TUSC3: variants seen among roughly 807,000 people sequenced by gnomAD.
TUSC3 encodes tumor suppressor candidate 3.
TUSC3 carries 45 observed loss-of-function variants against 44.8 expected under a neutral mutation model. The ratio of observed to expected loss-of-function variants is 1.00; its 90% confidence interval spans 0.79 to 1.29. The LOEUF (loss-of-function observed/expected upper bound fraction) is 1.29, where lower values mean the gene tolerates loss of function less well. Ranked by LOEUF, TUSC3 falls within the 50% of genes most tolerant of loss-of-function variation. The pLI, the probability that TUSC3 is intolerant of heterozygous loss-of-function variation, is 0.00. For synonymous variants in TUSC3, 212 were observed against 152.9 expected, an observed-to-expected ratio of 1.39 and a Z score of -2.85; for missense variants, 519 against 437.9, an observed-to-expected ratio of 1.19 and a Z score of -1.65.
chr8:15,744,500 G>GA (rs1034419793), intron 8 of TUSC3, among the ~76,000 whole-genome samples: 6 of 152,080 alleles, frequency 3.9e-5, no homozygotes, highest in Non-Finnish European at 7.4e-5. Flanking sequence ...ATAGGTATCT[G>GA]AAAAAGAGTA....
chr8:15,770,830 G>A (rs917333794), downstream of TUSC3, among the ~76,000 whole-genome samples: 2 of 151,950 alleles, frequency 1.3e-5, no homozygotes, highest in African/African-American at 4.8e-5. Context: ...AGAAGAGAGA[G>A]GAAAGGACAG....
chr8:15,496,699 C>A (rs7828050), intron 2 of TUSC3, among the ~76,000 whole-genome samples: 34,166 of 152,020 alleles, frequency 0.22, 4,407 homozygotes, highest in Non-Finnish European at 0.29. Context: ...ATGGAAGAAG[C>A]ATCTACATCA....
At chr8:15,703,487 G>C (rs1809489268) in intron 6 of TUSC3, among the ~76,000 whole-genome samples, 1 of 152,030 alleles carries the variant, frequency 6.6e-6, no homozygotes, top group Non-Finnish European at 1.5e-5. Context: ...GGGCAGCCTT[G>C]TTGTCTTTGG....
At chr8:15,562,489 A>G (rs532426583) in intron 1 of TUSC3, among the ~76,000 whole-genome samples, 1 of 152,300 alleles carries the variant, frequency 6.6e-6, no homozygotes, top group South Asian at 2.1e-4. Context: ...GTGGCTTAAA[A>G]TAACACCCAT....
intron 1 of TUSC3, among the ~76,000 whole-genome samples, chr8:15,457,552 T>C (rs923870548): frequency 2.0e-5 from 3 of 150,948 alleles, no homozygotes; most frequent in Non-Finnish European, 4.4e-5. Context: ...TACGCAATCA[T>C]GAGAACTTTT....
chr8:15,692,375 GTTTTTTTTTTTTTTT>G lies in TUSC3; in HGVS notation c.798+18549_798+18563del, dbSNP rs59838929. Among the ~76,000 whole-genome samples, 3 of 68,340 alleles carry G rather than the reference GTTTTTTTTTTTTTTT, an allele frequency of 4.4e-5. 1 individual carries two copies. The highest frequency in any genetic ancestry group is 2.6e-5 in the Non-Finnish European group (1 of 39,172). The allele number at this position is 68,340 out of a possible 152,430, so 44.8% of individuals were successfully genotyped here. Reference sequence around the variant, plus strand: ...GGAGGAGACCCCCCCCCCCCCCTTTGTTTTTTTTTTTTTTTTTTTTTTTTGCAATAGTTTCAGTGG... The same window carrying G: ...GGAGGAGACCCCCCCCCCCCCCTTTGTTTTTTTTTGCAATAGTTTCAGTGG... On this transcript the variant is annotated intron_variant, in intron 6 of 10. Coordinates refer to ENST00000503731, the MANE Select transcript of TUSC3 (RefSeq NM_006765.4).
intron 1 of TUSC3, among the ~76,000 whole-genome samples, chr8:15,567,383 C>A (rs1032318837): frequency 4.6e-5 from 7 of 152,128 alleles, no homozygotes; most frequent in Non-Finnish European, 1.0e-4. Flanking sequence ...CAAATATTAG[C>A]ATAAGATCCT....
intron 1 of TUSC3, among the ~76,000 whole-genome samples, chr8:15,457,067 AT>A (rs1800265747): frequency 6.6e-6 from 1 of 151,766 alleles, no homozygotes; most frequent in African/African-American, 2.4e-5. Flanking sequence ...TATCGCAAGG[AT>A]AAAAAACCAA....
intron 1 of TUSC3, among the ~76,000 whole-genome samples, chr8:15,419,107 C>A (rs1799693765): frequency 6.6e-6 from 1 of 152,202 alleles, no homozygotes; most frequent in Admixed American, 6.5e-5. Context: ...CTCCAAGTAA[C>A]CCCTTTGACC....
intron 1 of TUSC3, among the ~76,000 whole-genome samples, chr8:15,606,637 T>C (rs149844106): frequency 6.4e-4 from 97 of 152,250 alleles, no homozygotes; most frequent in African/African-American, 2.2e-3. Flanking sequence ...TATGATGTAA[T>C]CAGATTCCTC....
chr8:15,574,932 C>G (rs1187158793), intron 1 of TUSC3, among the ~76,000 whole-genome samples: 1 of 152,002 alleles, frequency 6.6e-6, no homozygotes, highest in East Asian at 1.9e-4. Context: ...ACTAACTATT[C>G]TAGTGTTATT....
intron 1 of TUSC3, among the ~76,000 whole-genome samples, chr8:15,453,441 C>T: frequency 6.6e-6 from 1 of 152,290 alleles, no homozygotes; most frequent in South Asian, 2.1e-4. Flanking sequence ...TTGTCAGCAT[C>T]TTTAAATAAA....
chr8:15,529,479 C>A (rs1473766327), intron 2 of TUSC3, among the ~76,000 whole-genome samples: 1 of 152,030 alleles, frequency 6.6e-6, no homozygotes, highest in Non-Finnish European at 1.5e-5. Flanking sequence ...ACTGAAGATA[C>A]AGTTTAAAAA....
chr8:15,657,641 T>G (rs905606325), intron 3 of TUSC3, among the ~76,000 whole-genome samples: 1 of 152,188 alleles, frequency 6.6e-6, no homozygotes, highest in African/African-American at 2.4e-5. Flanking sequence ...AGAATCACCC[T>G]CAGTGCTCCG....
intron 1 of TUSC3, among the ~76,000 whole-genome samples, chr8:15,582,633 C>G (rs1052567316): frequency 6.6e-6 from 1 of 152,168 alleles, no homozygotes; most frequent in Admixed American, 6.5e-5. Context: ...AAAACAGAGT[C>G]AAGAGGCTAG....
chr8:15,634,609 G>A lies in TUSC3; in HGVS notation c.308+11360G>A, dbSNP rs150705173. Among the ~76,000 whole-genome samples the A allele has an allele frequency of 2.7e-3, 416 of 152,302 alleles. 2 individuals are homozygous for A. The highest frequency in any genetic ancestry group is 4.0e-3 in the Non-Finnish European group (274 of 68,026). On this transcript the variant is annotated intron_variant, in intron 2 of 10. Coordinates refer to ENST00000503731, the MANE Select transcript of TUSC3 (RefSeq NM_006765.4). The stretch of plus-strand genomic sequence containing the variant: ...GAAGATGGCAGATCCAGCAGTTGAT[G>A]GTTTCAGAGAGCTGCACCAGTGTGT...
chr8:15,820,429 C>T, the TUSC3 span, among the ~76,000 whole-genome samples: 502 of 151,712 alleles, frequency 3.3e-3, 4 homozygotes, highest in African/African-American at 0.012. Flanking sequence ...AAGCGATTCT[C>T]CTGCCTCAGC....
intron 1 of TUSC3, among the ~76,000 whole-genome samples, chr8:15,560,246 T>G (rs1802409603): frequency 6.8e-6 from 1 of 147,730 alleles, no homozygotes; most frequent in South Asian, 2.3e-4. Flanking sequence ...AGTATTTTAT[T>G]TCTCCTTCAC....
the TUSC3 span, among the ~76,000 whole-genome samples, chr8:15,775,748 CTATA>C: frequency 0.18 from 25,291 of 138,566 alleles, 2,409 homozygotes; most frequent in East Asian, 0.34. Flanking sequence ...ATATATTACA[CTATA>C]TATATATATA....
Sources: gnomAD v4.1 joint callset for allele counts (sites outside exome capture counted in the v4.1 genomes callset) on GRCh38, gnomAD v4.1.1 for gene constraint, MANE v1.5 for transcripts, NCBI Gene and HGNC (gene_info 2026-07-23, HGNC 2026-07-21) for gene names.